HDGFL3: variants seen among roughly 807,000 people sequenced by gnomAD.
The protein encoded by HDGFL3 is HDGF like 3, also known as hepatoma-derived growth factor-related protein 3.
In HDGFL3, 6 loss-of-function variants were observed where a neutral mutation model predicts 27.6. That is an observed-to-expected ratio of 0.22 (90% CI 0.12 to 0.43). The LOEUF (loss-of-function observed/expected upper bound fraction) is 0.43. Ranked by LOEUF, HDGFL3 falls within the 20% of genes least tolerant of loss-of-function variation. The pLI, the probability that HDGFL3 is intolerant of heterozygous loss-of-function variation, is 1.00. For synonymous variants in HDGFL3, 88 were observed against 88.9 expected (o/e 0.99, Z 0.05); for missense variants, 207 against 250.1 (o/e 0.83, Z 1.16).
intron 1 of HDGFL3, among the ~76,000 whole-genome samples, chr15:83,180,643 ATTTTT>A (rs34952033): frequency 8.7e-5 from 11 of 126,372 alleles, no homozygotes; most frequent in African/African-American, 3.4e-4. Context: ...TAACTTATCA[ATTTTT>A]TTTTTTTTTT....
At chr15:83,157,001 T>C (rs538391733) in intron 4 of HDGFL3, among the ~76,000 whole-genome samples, 1 of 152,200 alleles carries the variant, frequency 6.6e-6, no homozygotes, top group African/African-American at 2.4e-5. Flanking sequence ...CCAGCCATGA[T>C]GCATTTCTTA....
chr15:83,163,776 A>G (rs2037129340), intron 2 of HDGFL3: 4 of 508,430 alleles, frequency 7.9e-6, no homozygotes, highest in Non-Finnish European at 7.0e-6. Flanking sequence ...CCAACATTTA[A>G]GCAGAAACAC....
intron 1 of HDGFL3, among the ~76,000 whole-genome samples, chr15:83,166,888 C>T (rs2037177396): frequency 6.6e-6 from 1 of 152,194 alleles, no homozygotes; most frequent in South Asian, 2.1e-4. Flanking sequence ...ATGATCCAAT[C>T]ACCTCCCACC....
intron 1 of HDGFL3, among the ~76,000 whole-genome samples, chr15:83,206,620 A>C (rs577916303): frequency 2.2e-4 from 33 of 152,190 alleles, no homozygotes; most frequent in Non-Finnish European, 4.1e-4. Flanking sequence ...TTGAGATTCT[A>C]CCTAAAACAA....
At chr15:83,181,599 C>A (rs144832151) in intron 1 of HDGFL3, among the ~76,000 whole-genome samples, 1,832 of 152,224 alleles carry the variant, frequency 0.012, 46 homozygotes, top group African/African-American at 0.043. Context: ...CCTCAGCCTT[C>A]CGAGTAGCTG....
Position 83,157,567 on chromosome 15 carries a change from G to C in HDGFL3, c.307C>G (p.Gln103Glu). 6.2e-7 allele frequency: 1 copy of C among 1,611,010 alleles called. No homozygotes were observed. The highest frequency in any genetic ancestry group is 8.5e-7 in the Non-Finnish European group (1 of 1,178,818). The change falls in exon 4 of 6, where the codon CAG becomes GAG. Residue 103 changes from glutamine (Q) to glutamate (E), a missense_variant. Gln to Glu is a conservative substitution (Grantham distance 29). Coordinates refer to ENST00000299633, the MANE Select transcript of HDGFL3 (RefSeq NM_016073.4). ...GVKFTGYQAIQQQSSSETEGE... is the reference protein window; with the variant it reads ...GVKFTGYQAIEQQSSSETEGE... Reference sequence around the variant, plus strand: ...TCAGTTTCTGAAGAGCTCTGTTGCTGAATTGCCTAAGAAATAATAAAATAT... The same window carrying C: ...TCAGTTTCTGAAGAGCTCTGTTGCTCAATTGCCTAAGAAATAATAAAATAT...
In HDGFL3 at chr15:83,135,299, G is replaced by A. The variant is rs1241090721; in HGVS notation, c.*3971C>T. The A allele has an allele frequency of 6.6e-6, 1 of 152,194 alleles. No homozygotes were observed. Among genetic ancestry groups the A allele is most frequent in the Non-Finnish European group, 1.5e-5 (1 of 68,042 alleles). 9.4% of individuals were successfully genotyped at this position (152,194 alleles called of 1,614,324 possible). On this transcript the variant is annotated 3_prime_UTR_variant, in exon 6 of 6. Coordinates refer to ENST00000299633, the MANE Select transcript of HDGFL3 (RefSeq NM_016073.4). ...ACACCTTTATCTGTGAAATCACTCA[G>A]CAGAATAAATTGGTTTCATATGGAA... is the stretch of plus-strand genomic sequence containing the variant.
chr15:83,127,280 G>A (rs1317387557), downstream of HDGFL3: 1 of 1,398,250 alleles, frequency 7.2e-7, no homozygotes, highest in South Asian at 1.6e-5. Context: ...AGATGAAAAT[G>A]TTTACTTTTT....
chr15:83,179,924 T>G (rs2037358997), intron 1 of HDGFL3: 1 of 152,068 alleles, frequency 6.6e-6, no homozygotes, highest in Non-Finnish European at 1.5e-5. Flanking sequence ...GCTCTTTGTG[T>G]GTGTTGTGTG....
intron 1 of HDGFL3, among the ~76,000 whole-genome samples, chr15:83,205,526 C>T (rs143013313): frequency 1.3e-5 from 2 of 152,226 alleles, no homozygotes; most frequent in African/African-American, 4.8e-5. Flanking sequence ...TAGGATTTTT[C>T]TGTTTCACAA....
chr15:83,121,974 T>C, intron 3 of HDGFL3: 1 of 1,611,632 alleles, frequency 6.2e-7, no homozygotes, highest in Middle Eastern at 1.7e-4. Context: ...ATTATGAGTG[T>C]TGTTGTTTTT....
intron 1 of HDGFL3, chr15:83,179,181 T>C (rs1369316643): frequency 6.6e-6 from 1 of 152,276 alleles, no homozygotes; most frequent in African/African-American, 2.4e-5. Flanking sequence ...CTGCCCCTGG[T>C]GGGGCATTCT....
At chr15:83,185,578 A>G (rs932622286) in intron 1 of HDGFL3, among the ~76,000 whole-genome samples, 1 of 152,214 alleles carries the variant, frequency 6.6e-6, no homozygotes, top group Non-Finnish European at 1.5e-5. Context: ...CGAGAGGATC[A>G]TAGCAGAAAA....
At chr15:83,160,040 A>AT in intron 2 of HDGFL3, among the ~76,000 whole-genome samples, 1 of 152,328 alleles carries the variant, frequency 6.6e-6, no homozygotes, top group African/African-American at 2.4e-5. Context: ...TTCTGAAGTA[A>AT]TGATGGTGAC....
chr15:83,205,553 A>C (rs546957941), intron 1 of HDGFL3, among the ~76,000 whole-genome samples: 1 of 152,344 alleles, frequency 6.6e-6, no homozygotes, highest in South Asian at 2.1e-4. Flanking sequence ...ACAGGTGGCC[A>C]ACCTGTACAG....
At chr15:83,126,178 GA>G, downstream of HDGFL3, among the ~76,000 whole-genome samples, 1 of 152,094 alleles carries the variant, frequency 6.6e-6, no homozygotes, top group Non-Finnish European at 1.5e-5. Context: ...ATCTAGGTGG[GA>G]CAACATTTAT....
At chr15:83,125,891 G>C (rs971139652), downstream of HDGFL3, among the ~76,000 whole-genome samples, 1 of 152,212 alleles carries the variant, frequency 6.6e-6, no homozygotes, top group Non-Finnish European at 1.5e-5. Flanking sequence ...CTGGCTAACA[G>C]GAGGAGGGGC....
At chr15:83,145,872 T>TC (rs1555452970) in intron 5 of HDGFL3, among the ~76,000 whole-genome samples, 50 of 141,096 alleles carry the variant, frequency 3.5e-4, no homozygotes, top group East Asian at 1.4e-3. Context: ...TTTTTTTTTT[T>TC]TCTCTCTCTC....
chr15:83,197,181 T>C (rs1017959964), intron 1 of HDGFL3, among the ~76,000 whole-genome samples: 1 of 152,214 alleles, frequency 6.6e-6, no homozygotes, highest in African/African-American at 2.4e-5. Flanking sequence ...TAGCATAAGA[T>C]AGGGTCAGTG....
Sources: allele counts gnomAD v4.1 joint callset (sites outside exome capture counted in the v4.1 genomes callset), GRCh38; gene constraint gnomAD v4.1.1; transcripts MANE v1.5; gene names NCBI Gene and HGNC (gene_info 2026-07-23, HGNC 2026-07-21).